The following ADGRA3 variants were observed in gnomAD, a reference collection of about 807,000 sequenced individuals.
ADGRA3 encodes the protein G-protein coupled receptor 125.
ADGRA3 carries 56 observed loss-of-function variants against 119.8 expected under a neutral mutation model. The ratio of observed to expected loss-of-function variants is 0.47; its 90% CI spans 0.38 to 0.58. The LOEUF is 0.58. ADGRA3 is among the 20% of genes least tolerant of loss of function. The pLI, the probability that ADGRA3 is intolerant of heterozygous loss-of-function variation, is 0.00. For synonymous variants in ADGRA3, 607 were observed against 623.8 expected, an observed-to-expected ratio of 0.97 and a Z score of 0.40; for missense variants, 1,516 against 1,649.0, an observed-to-expected ratio of 0.92 and a Z score of 1.40.
intron 1 of ADGRA3, among the ~76,000 whole-genome samples, chr4:22,476,121 C>T (rs960898540): frequency 6.6e-6 from 1 of 152,024 alleles, no homozygotes; most frequent in Non-Finnish European, 1.5e-5. Context: ...ATACAATTTC[C>T]TCTCATCAAA....
At chr4:22,413,458 T>C (rs2109023829) in intron 13 of ADGRA3, 68 bp from the exon 14 acceptor site, 1 of 1,430,878 alleles carries the variant, frequency 7.0e-7, no homozygotes, top group Non-Finnish European at 9.8e-7. Context: ...TGTCAACTTC[T>C]ACAGTAATGG....
intron 1 of ADGRA3, among the ~76,000 whole-genome samples, chr4:22,506,517 C>A (rs145608511): frequency 4.6e-5 from 7 of 152,180 alleles, no homozygotes; most frequent in Non-Finnish European, 1.0e-4. Flanking sequence ...CGCACCACTG[C>A]ACTCCAGCCT....
intron 4 of ADGRA3, among the ~76,000 whole-genome samples, chr4:22,448,066 G>A: frequency 6.6e-6 from 1 of 152,106 alleles, no homozygotes; most frequent in East Asian, 1.9e-4. Context: ...TCTATCCTGT[G>A]TTAGCAGGCT....
intron 14 of ADGRA3, among the ~76,000 whole-genome samples, chr4:22,410,112 C>T (rs1172449992): frequency 1.3e-5 from 2 of 151,408 alleles, no homozygotes; most frequent in Non-Finnish European, 2.9e-5. Flanking sequence ...TTTATATAAA[C>T]AAATGTAAAA....
At chr4:22,477,198 T>C (rs1718080515) in intron 1 of ADGRA3, among the ~76,000 whole-genome samples, 4 of 152,176 alleles carry the variant, frequency 2.6e-5, no homozygotes, top group Non-Finnish European at 5.9e-5. Flanking sequence ...TAAATGTTTA[T>C]ATAGTGACTG....
intron 12 of ADGRA3, among the ~76,000 whole-genome samples, chr4:22,417,486 C>G (rs1266030685): frequency 6.6e-6 from 1 of 152,152 alleles, no homozygotes; most frequent in African/African-American, 2.4e-5. Flanking sequence ...CTCAACAACC[C>G]TTCGAGTTAA....
At chr4:22,505,716 T>A (rs533560401) in intron 1 of ADGRA3, among the ~76,000 whole-genome samples, 25 of 149,116 alleles carry the variant, frequency 1.7e-4, no homozygotes, top group African/African-American at 5.4e-4. Context: ...AGTATAACAA[T>A]AGAGGAAGAT....
chr4:22,414,561 G>C (rs1463714893), intron 12 of ADGRA3: 1 of 685,434 alleles, frequency 1.5e-6, no homozygotes, highest in African/African-American at 1.8e-5. Context: ...CTTTTTCTTG[G>C]CTTCTAACCT....
intron 17 of ADGRA3, among the ~76,000 whole-genome samples, chr4:22,391,224 C>T (rs1714122800): frequency 6.6e-6 from 1 of 152,118 alleles, no homozygotes; most frequent in Non-Finnish European, 1.5e-5. Flanking sequence ...AGCTTGTCCT[C>T]TCTGCTGAGC....
rs1390686563 is a variant in ADGRA3, at chr4:22,390,360, AATACG to A, written c.2628-1182_2628-1178del. Among the ~76,000 whole-genome samples the A allele has an allele frequency of 4.8e-4, 9 of 18,676 alleles. No individual in the cohort carries two copies. The South Asian group carries it at 0.012, about 25-fold the overall frequency. The allele number at this position is 18,676 out of a possible 152,430, so 12.3% of individuals were successfully genotyped here. ...TATAAAATACATATTATATATATAT[AATACG>A]TATTATATATATATAATACGTATTA... On this transcript the variant is annotated intron_variant, in intron 17 of 18. Coordinates refer to ENST00000334304, the MANE Select transcript of ADGRA3 (RefSeq NM_145290.4).
chr4:22,414,505 T>C (rs1715354010), intron 12 of ADGRA3: 1 of 618,318 alleles, frequency 1.6e-6, no homozygotes, highest in East Asian at 2.8e-5. Flanking sequence ...AAGTGAACAA[T>C]TAACCATCTA....
intron 10 of ADGRA3, among the ~76,000 whole-genome samples, chr4:22,429,843 C>T (rs1220471166): frequency 6.6e-6 from 1 of 152,114 alleles, no homozygotes; most frequent in Non-Finnish European, 1.5e-5. Context: ...TTAATGCTCC[C>T]AACCAACCAA....
At chr4:22,414,887 T>C (rs1328218549) in intron 12 of ADGRA3, among the ~76,000 whole-genome samples, 2 of 152,146 alleles carry the variant, frequency 1.3e-5, no homozygotes, top group African/African-American at 4.8e-5. Context: ...AACTTTTGAA[T>C]TGGTGTAACG....
chr4:22,443,474 T>C (rs1298758402), intron 6 of ADGRA3, among the ~76,000 whole-genome samples: 3 of 152,182 alleles, frequency 2.0e-5, no homozygotes, highest in Non-Finnish European at 4.4e-5. Flanking sequence ...TTTTCTAACA[T>C]GACAATTCTA....
At position 22,435,353 on chromosome 4, in the gene ADGRA3, A is replaced by T; in HGVS notation, c.1401T>A (p.Ile467=). The change falls in exon 10 of 19, where the codon ATT becomes ATA. Residue 467 remains isoleucine (I), a synonymous_variant. Transcript: ENST00000334304. ...KMDVIFVAEM[I]EKFGRFTKEE... is the part of the protein sequence containing the mutation. Reference sequence around the variant, plus strand: ...CCTTGGTAAATCTTCCAAATTTTTCAATCATTTCTGCCACAAATATAACAT... The same window carrying T: ...CCTTGGTAAATCTTCCAAATTTTTCTATCATTTCTGCCACAAATATAACAT... 6.2e-7 allele frequency: 1 copy of T among 1,613,516 alleles called. No individual in the cohort carries two copies. Among genetic ancestry groups the T allele is most frequent in the Admixed American group, 1.7e-5 (1 of 60,004 alleles).
At chr4:22,498,742 C>T (rs1051629782) in intron 1 of ADGRA3, among the ~76,000 whole-genome samples, 14 of 151,974 alleles carry the variant, frequency 9.2e-5, no homozygotes, top group African/African-American at 2.4e-4. Flanking sequence ...GGTGAAACCC[C>T]GTCTCTACTA....
intron 1 of ADGRA3, among the ~76,000 whole-genome samples, chr4:22,501,944 G>C (rs1486911321): frequency 6.6e-6 from 1 of 151,034 alleles, no homozygotes; most frequent in African/African-American, 2.4e-5. Flanking sequence ...TCCCCATCAA[G>C]GAGCTCTGAA....
rs144004703 is a variant in ADGRA3 at position 22,493,829 on chromosome 4, G to A, written c.258-19986C>T. Reference sequence around the variant, plus strand: ...ATAAAAAAGGTCGGCATAAGATACAGGTCATAAAAAACCTCGCTAATAAAA... The same window carrying A: ...ATAAAAAAGGTCGGCATAAGATACAAGTCATAAAAAACCTCGCTAATAAAA... On this transcript the variant is annotated intron_variant, in intron 1 of 18. Coordinates refer to ENST00000334304, the MANE Select transcript of ADGRA3 (RefSeq NM_145290.4). Among the ~76,000 whole-genome samples the A allele has an allele frequency of 2.8e-3, 430 of 152,226 alleles. 4 individuals carry two copies. Among genetic ancestry groups the A allele is most frequent in the Non-Finnish European group, 4.5e-3 (303 of 68,010 alleles).
At chr4:22,468,699 G>A (rs1403177194) in intron 2 of ADGRA3, among the ~76,000 whole-genome samples, 1 of 151,586 alleles carries the variant, frequency 6.6e-6, no homozygotes, top group Non-Finnish European at 1.5e-5. Flanking sequence ...AACTTGGGAG[G>A]TGGAAGTTGC....
Sources: allele counts gnomAD v4.1 joint callset (sites outside exome capture counted in the v4.1 genomes callset), GRCh38; gene constraint gnomAD v4.1.1; transcripts MANE v1.5; gene names NCBI Gene and HGNC (gene_info 2026-07-23, HGNC 2026-07-21).